CHM: variants seen among roughly 807,000 people sequenced by gnomAD.
CHM encodes rab proteins geranylgeranyltransferase component A 1.
CHM carries 10 observed loss-of-function variants against 49.0 expected under a neutral mutation model. The ratio of observed to expected loss-of-function variants is 0.20; its 90% CI spans 0.13 to 0.35. The LOEUF (loss-of-function observed/expected upper bound fraction) is 0.35, where lower values mean the gene tolerates loss of function less well. CHM is among the 10% of genes least tolerant of loss of function. The pLI is 1.00. For missense variants in CHM, 455 were observed against 478.4 expected, an observed-to-expected ratio of 0.95 and a Z score of 0.46; for synonymous variants, 184 against 167.5, an observed-to-expected ratio of 1.10 and a Z score of -0.76.
intron 12 of CHM, among the ~76,000 whole-genome samples, chrX:85,890,991 G>A (rs943420301): frequency 1.2e-4 from 13 of 111,436 alleles, no homozygotes; most frequent in Non-Finnish European, 1.3e-4. Flanking sequence ...TTGGGAACTC[G>A]AGTAAAGGTG....
At chrX:86,013,578 T>C (rs1437729209) in intron 2 of CHM, among the ~76,000 whole-genome samples, 1 of 109,078 alleles carries the variant, frequency 9.2e-6, no homozygotes, top group Admixed American at 9.9e-5. Context: ...CTACTAAAAA[T>C]ACAAAAATTA....
chrX:85,901,798 T>G (rs1241372056), intron 9 of CHM, among the ~76,000 whole-genome samples: 1 of 112,139 alleles, frequency 8.9e-6, no homozygotes, highest in Non-Finnish European at 1.9e-5. Context: ...TTTGAAGTGT[T>G]GTTTCCAAAT....
intron 9 of CHM, among the ~76,000 whole-genome samples, chrX:85,905,290 C>T (rs896496900): frequency 3.6e-5 from 4 of 111,405 alleles, no homozygotes; most frequent in African/African-American, 1.3e-4. Flanking sequence ...TTCTCTCCGT[C>T]TCCACTGATA....
intron 1 of CHM, among the ~76,000 whole-genome samples, chrX:86,041,973 T>C (rs1043687260): frequency 9.2e-6 from 1 of 109,251 alleles, no homozygotes; most frequent in African/African-American, 3.3e-5. Context: ...TCAGGCATCC[T>C]GGGAGAAGAT....
At chrX:85,957,740 CAG>C in intron 7 of CHM, 113 bp downstream of exon 7, 1 of 909,614 alleles carries the variant, frequency 1.1e-6, no homozygotes, top group East Asian at 3.3e-5. Flanking sequence ...ATTGATAGTG[CAG>C]AGTTAGAATG....
intron 1 of CHM, 171 bp downstream of exon 1, chrX:86,047,313 C>T: frequency 7.8e-6 from 4 of 513,277 alleles, no homozygotes; most frequent in Middle Eastern, 4.5e-4. Flanking sequence ...GGTCCCAGCC[C>T]CTCCCTGTAA....
rs745969311 is a variant in CHM at position 85,914,853 on chromosome X, A to G, written c.1167-3515T>C. ...GGGAACACCTCACCTTCTCCAGCAC[A>G]GCAGGTGCTTGACCTCAATAAACCA... On this transcript the variant is annotated intron_variant, in intron 8 of 14. Coordinates refer to ENST00000357749, the MANE Select transcript of CHM (RefSeq NM_000390.4). Among the ~76,000 whole-genome samples, 100 of 110,984 alleles carry G rather than the reference A, an allele frequency of 9.0e-4. 2 individuals carry two copies. The East Asian group carries it at 0.026, about 29-fold the overall frequency.
intron 14 of CHM, among the ~76,000 whole-genome samples, chrX:85,867,898 G>A (rs971330134): frequency 1.8e-5 from 2 of 111,882 alleles, no homozygotes; most frequent in Non-Finnish European, 3.8e-5. Flanking sequence ...GACAATTTAA[G>A]TTTTTAAATA....
chrX:86,018,884 G>C (rs140663245), intron 2 of CHM, among the ~76,000 whole-genome samples: 2,943 of 112,021 alleles, frequency 0.026, 50 homozygotes, highest in Non-Finnish European at 0.04. Flanking sequence ...TGAAGGCAGG[G>C]GAGTGGCAGA....
At chrX:85,897,339 G>GTT in intron 11 of CHM, among the ~76,000 whole-genome samples, 1 of 102,842 alleles carries the variant, frequency 9.7e-6, no homozygotes, top group East Asian at 3.0e-4. Flanking sequence ...GTGTGTGTGT[G>GTT]TGTGTCTGTG....
Position 85,861,537 on chromosome X carries a change from A to T in CHM, c.*3093T>A, listed in dbSNP as rs971876279. 8.9e-6 allele frequency: 1 copy of T among 111,851 alleles called. No individual in the cohort carries two copies. Among genetic ancestry groups the T allele is most frequent in the Non-Finnish European group, 1.9e-5 (1 of 53,140 alleles). 9.2% of individuals were successfully genotyped at this position (111,851 alleles called of 1,213,427 possible). A position where few individuals can be genotyped will look rare whatever the true frequency, so the allele number is the denominator to read the frequency against. ...ACAATCTCAGAAACTAGTTCTAGAA[A>T]TTATCATCAATGTGGCCATTTTACT... is the stretch of plus-strand genomic sequence containing the variant. On this transcript the variant is annotated 3_prime_UTR_variant, in exon 15 of 15. Coordinates refer to ENST00000357749, the MANE Select transcript of CHM (RefSeq NM_000390.4).
chrX:85,966,078 G>A (rs906213919), intron 4 of CHM, among the ~76,000 whole-genome samples: 1 of 111,318 alleles, frequency 9.0e-6, no homozygotes, highest in Non-Finnish European at 1.9e-5. Context: ...GGCCGGGCAC[G>A]GTGGCTTACA....
chrX:85,870,683 C>T (rs1233435801), intron 14 of CHM, among the ~76,000 whole-genome samples: 1 of 110,909 alleles, frequency 9.0e-6, no homozygotes, highest in Non-Finnish European at 1.9e-5. Context: ...ACAACATCTA[C>T]CAAGAAAAGA....
intron 4 of CHM, among the ~76,000 whole-genome samples, chrX:85,968,303 C>A (rs1930685135): frequency 8.9e-6 from 1 of 112,227 alleles, no homozygotes; most frequent in African/African-American, 3.2e-5. Flanking sequence ...TTGTTACCAA[C>A]CTAAAACGTT....
At chrX:86,011,514 T>C (rs1933072396) in intron 2 of CHM, among the ~76,000 whole-genome samples, 1 of 111,612 alleles carries the variant, frequency 9.0e-6, no homozygotes, top group South Asian at 3.8e-4. Context: ...CAAGTAAATA[T>C]AGTGCTCTAA....
intron 14 of CHM, among the ~76,000 whole-genome samples, chrX:85,871,243 C>G (rs757309393): frequency 6.4e-5 from 6 of 93,583 alleles, no homozygotes; most frequent in African/African-American, 2.4e-4. Context: ...GGAGGGGGAG[C>G]TTGCAGTGAG....
intron 1 of CHM, among the ~76,000 whole-genome samples, chrX:86,035,983 CG>C (rs1934226941): frequency 9.1e-6 from 1 of 109,381 alleles, no homozygotes; most frequent in Non-Finnish European, 1.9e-5. Context: ...TTAGTAAAGA[CG>C]GGGTTTCACC....
At chrX:85,909,758 T>A (rs773102651) in intron 9 of CHM, among the ~76,000 whole-genome samples, 1 of 111,824 alleles carries the variant, frequency 8.9e-6, no homozygotes, top group East Asian at 2.8e-4. Flanking sequence ...CAAACAAACA[T>A]GAGCTATGCA....
At chrX:86,032,377 T>C (rs1354148356) in intron 1 of CHM, among the ~76,000 whole-genome samples, 1 of 111,256 alleles carries the variant, frequency 9.0e-6, no homozygotes, top group Non-Finnish European at 1.9e-5. Context: ...TACAAAACGG[T>C]ATCAAACACT....
Sources: allele counts gnomAD v4.1 joint callset (sites outside exome capture counted in the v4.1 genomes callset), GRCh38; gene constraint gnomAD v4.1.1; transcripts MANE v1.5; gene names NCBI Gene and HGNC (gene_info 2026-07-23, HGNC 2026-07-21).